PAQR5: variants seen among roughly 807,000 people sequenced by gnomAD.
PAQR5 encodes membrane progestin receptor gamma.
Under a neutral mutation model 34.5 loss-of-function variants are expected in PAQR5, and 20 were observed. That is an observed-to-expected ratio of 0.58 (90% CI 0.41 to 0.84). The LOEUF (loss-of-function observed/expected upper bound fraction) is 0.84. Among genes scored for constraint, PAQR5 ranks in the 40% least tolerant of loss-of-function variants. The pLI is 0.00. For missense variants in PAQR5, 378 were observed against 412.7 expected, an observed-to-expected ratio of 0.92 and a Z score of 0.73; for synonymous variants, 131 against 155.6, an observed-to-expected ratio of 0.84 and a Z score of 1.18.
At position 69,390,352 on chromosome 15, in the gene PAQR5, A is replaced by ATTAT. The variant is rs1555423068; in HGVS notation, c.512+574_512+575insATTT. Among the ~76,000 whole-genome samples, 106 of 128,234 alleles carry ATTAT rather than the reference A, an allele frequency of 8.3e-4. 5 individuals are homozygous for ATTAT. The highest frequency in any genetic ancestry group is 2.4e-3 in the African/African-American group (88 of 36,278). 84.1% of individuals were successfully genotyped at this position (128,234 alleles called of 152,430 possible). A position where few individuals can be genotyped will look rare whatever the true frequency, so the allele number is the denominator to read the frequency against. ...TATTTATTTATTTATTTATTTATTT[A>ATTAT]TTTATTTATTTTTTTGAGACAGGGT... On this transcript the variant is annotated intron_variant, in intron 6 of 8. Transcript: ENST00000395407.
intron 3 of PAQR5, among the ~76,000 whole-genome samples, chr15:69,377,552 T>C (rs2055740712): frequency 1.3e-5 from 2 of 152,270 alleles, no homozygotes; most frequent in Non-Finnish European, 2.9e-5. Context: ...AACTTCATTT[T>C]ATCCCCTCCC....
At chr15:69,390,320 TTTTATTTATTTA>T (rs201330461) in intron 6 of PAQR5, among the ~76,000 whole-genome samples, 11 of 133,370 alleles carry the variant, frequency 8.2e-5, no homozygotes, top group African/African-American at 2.7e-4. Flanking sequence ...CTGACCTGTT[TTTTATTTATTTA>T]TTTATTTATT....
intron 2 of PAQR5, among the ~76,000 whole-genome samples, chr15:69,340,952 A>G (rs2054624924): frequency 6.6e-6 from 1 of 152,242 alleles, no homozygotes; most frequent in South Asian, 2.1e-4. Flanking sequence ...ACTATAAATT[A>G]TGGAGCAGAC....
intron 6 of PAQR5, among the ~76,000 whole-genome samples, chr15:69,396,679 T>C (rs1057490910): frequency 2.0e-5 from 3 of 152,138 alleles, no homozygotes; most frequent in African/African-American, 7.2e-5. Context: ...AGACCCTCCC[T>C]GCCCCTCCCC....
chr15:69,329,456 T>A (rs1241062817), intron 1 of PAQR5, among the ~76,000 whole-genome samples: 2 of 149,764 alleles, frequency 1.3e-5, no homozygotes, highest in African/African-American at 2.5e-5. Context: ...AAATTTATTT[T>A]TTCTTTCTTT....
chr15:69,326,527 C>T (rs1321666599), intron 1 of PAQR5, among the ~76,000 whole-genome samples: 5 of 151,932 alleles, frequency 3.3e-5, no homozygotes, highest in Non-Finnish European at 7.4e-5. Flanking sequence ...TCTCTGCCTC[C>T]CAGGTTCAAG....
intron 1 of PAQR5, among the ~76,000 whole-genome samples, chr15:69,300,937 C>CCT (rs2053578416): frequency 1.9e-4 from 1 of 5,186 alleles, no homozygotes; most frequent in African/African-American, 2.9e-4. Flanking sequence ...CTCTCTCTCT[C>CCT]TCTTTCTTTC....
At chr15:69,367,358 G>A (rs2055430192) in intron 3 of PAQR5, among the ~76,000 whole-genome samples, 1 of 151,836 alleles carries the variant, frequency 6.6e-6, no homozygotes, top group Non-Finnish European at 1.5e-5. Flanking sequence ...TTAGTTTAGT[G>A]GTCACTTCAG....
intron 1 of PAQR5, among the ~76,000 whole-genome samples, chr15:69,300,553 G>A (rs533407028): frequency 5.9e-5 from 9 of 151,360 alleles, no homozygotes; most frequent in African/African-American, 2.2e-4. Flanking sequence ...CCTTAATCCC[G>A]TATGCTTTTC....
At chr15:69,340,155 C>T (rs1420677246) in intron 2 of PAQR5, among the ~76,000 whole-genome samples, 2 of 151,988 alleles carry the variant, frequency 1.3e-5, no homozygotes, top group African/African-American at 4.8e-5. Flanking sequence ...CATGAGCCAC[C>T]GTGCCCGGCC....
intron 1 of PAQR5, among the ~76,000 whole-genome samples, chr15:69,337,058 T>C (rs2054529801): frequency 6.6e-6 from 1 of 152,206 alleles, no homozygotes; most frequent in Admixed American, 6.5e-5. Context: ...ATTGTACTAT[T>C]GGAATAGAGG....
chr15:69,323,532 A>G (rs1281748237), intron 1 of PAQR5, among the ~76,000 whole-genome samples: 2 of 152,242 alleles, frequency 1.3e-5, no homozygotes, highest in Non-Finnish European at 1.5e-5. Context: ...TGAATGTACA[A>G]GCAAATGCCA....
chr15:69,348,616 A>G (rs960032362), intron 2 of PAQR5, among the ~76,000 whole-genome samples: 97 of 152,292 alleles, frequency 6.4e-4, no homozygotes, highest in Non-Finnish European at 9.3e-4. Context: ...TCAACTTGGC[A>G]GGGGACATGT....
At chr15:69,324,309 A>C (rs1197788552) in intron 1 of PAQR5, among the ~76,000 whole-genome samples, 1 of 152,178 alleles carries the variant, frequency 6.6e-6, no homozygotes, top group African/African-American at 2.4e-5. Flanking sequence ...AAGCAGTTTT[A>C]TAAACCAAGG....
intron 6 of PAQR5, 36 bp downstream of exon 6, chr15:69,389,816 G>A (rs1229281043): frequency 1.2e-6 from 2 of 1,610,936 alleles, no homozygotes; most frequent in Middle Eastern, 1.7e-4. Context: ...GGAGGGGAGG[G>A]AGGGTCTTGC....
chr15:69,302,792 C>T (rs1213444698), intron 1 of PAQR5, among the ~76,000 whole-genome samples: 1 of 152,198 alleles, frequency 6.6e-6, no homozygotes, highest in East Asian at 1.9e-4. Context: ...CCCCACCACC[C>T]CTGAGAGCTG....
At chr15:69,360,716 G>A (rs1567020407) in intron 3 of PAQR5, among the ~76,000 whole-genome samples, 1 of 152,174 alleles carries the variant, frequency 6.6e-6, no homozygotes, top group East Asian at 1.9e-4. Flanking sequence ...ACAGAGAACT[G>A]GTGCACTTCC....
chr15:69,398,199 G>A lies in PAQR5; in HGVS notation c.609+635G>A, dbSNP rs187959411. On this transcript the variant is annotated intron_variant, in intron 7 of 8. Transcript: ENST00000395407. ...TCCATCATCAAGTAGTATACTGTTA[G>A]TATTGAAGGAAAAGGCATGAATGAG... 2.1e-4 allele frequency among the ~76,000 whole-genome samples: 32 copies of A among 152,276 alleles called. No individual in the cohort carries two copies. The East Asian group carries it at 5.8e-3, about 28-fold the overall frequency.
chr15:69,300,609 CTT>C (rs1491414984), intron 1 of PAQR5, among the ~76,000 whole-genome samples: 5 of 48,730 alleles, frequency 1.0e-4, no homozygotes, highest in African/African-American at 3.2e-4. Flanking sequence ...TTCTTTCTTT[CTT>C]TCTTTCTTTC....
Sources: allele counts gnomAD v4.1 joint callset (sites outside exome capture counted in the v4.1 genomes callset), GRCh38; gene constraint gnomAD v4.1.1; transcripts MANE v1.5; gene names NCBI Gene and HGNC (gene_info 2026-07-23, HGNC 2026-07-21).